CACNB2: variants seen among roughly 807,000 people sequenced by gnomAD.
CACNB2 encodes voltage-dependent L-type calcium channel subunit beta-2.
In CACNB2, 42 loss-of-function variants were observed where a neutral mutation model predicts 73.3. That is an observed-to-expected ratio of 0.57 (90% CI 0.45 to 0.74). The LOEUF (loss-of-function observed/expected upper bound fraction) is 0.74. CACNB2 is among the 30% of genes least tolerant of loss of function. The pLI is 0.00. For synonymous variants in CACNB2, 348 were observed against 310.3 expected (o/e 1.12, Z -1.28); for missense variants, 940 against 853.0 (o/e 1.10, Z -1.27).
chr10:18,194,753 G>T (rs556809102), intron 2 of CACNB2, among the ~76,000 whole-genome samples: 82 of 152,308 alleles, frequency 5.4e-4, no homozygotes, highest in African/African-American at 1.8e-3. Context: ...CCTTATCTTT[G>T]CAGGCCTTTT....
At chr10:18,149,618 A>G in intron 1 of CACNB2, among the ~76,000 whole-genome samples, 1 of 152,230 alleles carries the variant, frequency 6.6e-6, no homozygotes, top group Non-Finnish European at 1.5e-5. Context: ...TGCTACATAT[A>G]TTATGGCAGA....
At chr10:18,197,903 A>C (rs964954806) in intron 2 of CACNB2, among the ~76,000 whole-genome samples, 2 of 148,638 alleles carry the variant, frequency 1.3e-5, no homozygotes, top group Non-Finnish European at 3.0e-5. Context: ...TATATTTTAT[A>C]AATTATATAT....
At chr10:18,170,632 G>A (rs7090405) in intron 2 of CACNB2, among the ~76,000 whole-genome samples, 24,412 of 152,148 alleles carry the variant, frequency 0.16, 2,122 homozygotes, top group East Asian at 0.22. Context: ...AATGTTGGTG[G>A]GTTGTGTGTT....
At chr10:18,162,474 A>G (rs1164727601) in intron 2 of CACNB2, among the ~76,000 whole-genome samples, 1 of 151,990 alleles carries the variant, frequency 6.6e-6, no homozygotes. Flanking sequence ...ACTGAAGAAC[A>G]TTGTTTACTC....
chr10:18,222,374 T>C (rs2035826895), intron 2 of CACNB2, among the ~76,000 whole-genome samples: 1 of 150,804 alleles, frequency 6.6e-6, no homozygotes, highest in African/African-American at 2.4e-5. Context: ...ATTTGGATCC[T>C]GATTTAAACA....
At chr10:18,487,260 G>T (rs1300911882) in intron 3 of CACNB2, among the ~76,000 whole-genome samples, 3 of 152,124 alleles carry the variant, frequency 2.0e-5, no homozygotes, top group African/African-American at 7.2e-5. Context: ...TGGCCCCCAG[G>T]TAGCCTTCAT....
At chr10:18,414,506 G>A (rs1404773275) in intron 3 of CACNB2, among the ~76,000 whole-genome samples, 1 of 53,066 alleles carries the variant, frequency 1.9e-5, no homozygotes, top group African/African-American at 1.0e-4. Context: ...TTTTTTTTTT[G>A]GAGACAGAAT....
intron 3 of CACNB2, among the ~76,000 whole-genome samples, chr10:18,433,622 G>A (rs1055387095): frequency 4.6e-5 from 7 of 152,086 alleles, no homozygotes; most frequent in Non-Finnish European, 8.8e-5. Flanking sequence ...AATACTAGAT[G>A]TAATGAAATG....
At chr10:18,326,920 T>G (rs1398538325) in intron 2 of CACNB2, among the ~76,000 whole-genome samples, 1 of 152,054 alleles carries the variant, frequency 6.6e-6, no homozygotes, top group African/African-American at 2.4e-5. Flanking sequence ...AGAGACGGGT[T>G]TTTTTGCCAT....
chr10:18,526,020 T>G (rs554058802), intron 9 of CACNB2, among the ~76,000 whole-genome samples: 1 of 152,368 alleles, frequency 6.6e-6, no homozygotes, highest in African/African-American at 2.4e-5. Context: ...TGAGGTTTTC[T>G]GAAGATGCCT....
At chr10:18,211,829 C>T (rs1038861848) in intron 2 of CACNB2, among the ~76,000 whole-genome samples, 1 of 150,846 alleles carries the variant, frequency 6.6e-6, no homozygotes, top group Admixed American at 6.7e-5. Flanking sequence ...TCACTTATCA[C>T]ATTTTCTGCT....
At chr10:18,455,387 G>T (rs879267426) in intron 3 of CACNB2, among the ~76,000 whole-genome samples, 1 of 152,180 alleles carries the variant, frequency 6.6e-6, no homozygotes, top group Non-Finnish European at 1.5e-5. Context: ...AAGAACTGAG[G>T]TAGGAGAGCT....
chr10:18,494,470 A>T (rs2049653463), intron 3 of CACNB2, among the ~76,000 whole-genome samples: 1 of 151,952 alleles, frequency 6.6e-6, no homozygotes, highest in Non-Finnish European at 1.5e-5. Flanking sequence ...TCTACTAAAA[A>T]TACAAAAAAA....
In CACNB2 at chr10:18,539,518, G is replaced by C; in HGVS notation, c.1777G>C (p.Glu593Gln). 6.2e-7 allele frequency: 1 copy of C among 1,613,888 alleles called. No homozygotes were observed. The highest frequency in any genetic ancestry group is 1.3e-5 in the African/African-American group (1 of 74,982). ...ACACCGTGACCACAACCACAGAGAC[G>C]AGACCCACGGGAGCAGTGACCACAG... ...ASHRDHNHRDETHGSSDHRHR... is the reference protein window; with the variant it reads ...ASHRDHNHRDQTHGSSDHRHR... The change falls in exon 14 of 14, where the codon GAG becomes CAG. Residue 593 changes from glutamate to glutamine, a missense_variant. Glu to Gln is a conservative substitution (Grantham distance 29, BLOSUM62 2). Coordinates refer to ENST00000324631, the MANE Select transcript of CACNB2 (RefSeq NM_201596.3).
intron 3 of CACNB2, among the ~76,000 whole-genome samples, chr10:18,416,049 G>A (rs2044940147): frequency 6.6e-6 from 1 of 152,086 alleles, no homozygotes; most frequent in East Asian, 1.9e-4. Flanking sequence ...CAGCAGTTTT[G>A]TTGAGTATAG....
At chr10:18,377,699 C>A (rs923393132) in intron 2 of CACNB2, among the ~76,000 whole-genome samples, 1 of 152,150 alleles carries the variant, frequency 6.6e-6, no homozygotes, top group Non-Finnish European at 1.5e-5. Context: ...GTTGGCTGAT[C>A]TCTGATATAG....
intron 2 of CACNB2, among the ~76,000 whole-genome samples, chr10:18,174,537 G>A (rs1224081853): frequency 2.0e-5 from 3 of 151,824 alleles, no homozygotes; most frequent in African/African-American, 4.8e-5. Context: ...CTGAGTAGCT[G>A]GGATTACAGG....
chr10:18,206,658 C>G (rs568985329), intron 2 of CACNB2: 82 of 152,464 alleles, frequency 5.4e-4, no homozygotes, highest in African/African-American at 1.8e-3. Context: ...GAAAGGGGCA[C>G]ATGCAGATTC....
Position 18,385,175 on chromosome 10 carries a change from C to T in CACNB2, c.214-16749C>T, listed in dbSNP as rs969463224. Among the ~76,000 whole-genome samples, 11 of 151,730 alleles carry T rather than the reference C, an allele frequency of 7.2e-5. No individual in the cohort carries two copies. The East Asian group carries it at 9.7e-4, about 13-fold the overall frequency. On this transcript the variant is annotated intron_variant, in intron 2 of 13. Coordinates refer to ENST00000324631, the MANE Select transcript of CACNB2 (RefSeq NM_201596.3). ...ACGGACACATGTAATCCCAGGTACTCGAGAGGCTGAGGCAGGAGAATCATT... is the reference window on the plus strand; with the variant it reads ...ACGGACACATGTAATCCCAGGTACTTGAGAGGCTGAGGCAGGAGAATCATT...
Sources: allele counts gnomAD v4.1 joint callset (sites outside exome capture counted in the v4.1 genomes callset), GRCh38; gene constraint gnomAD v4.1.1; transcripts MANE v1.5; gene names NCBI Gene and HGNC (gene_info 2026-07-23, HGNC 2026-07-21).